Variants in SYNCRIP observed in about 807,000 individuals in gnomAD.
SYNCRIP encodes heterogeneous nuclear ribonucleoprotein Q.
SYNCRIP carries 9 observed loss-of-function variants against 68.9 expected under a neutral mutation model. The observed-to-expected ratio is 0.13, with a 90% CI of 0.08 to 0.23. SYNCRIP has a LOEUF of 0.23. SYNCRIP is among the 10% of genes least tolerant of loss of function. The pLI, the probability that SYNCRIP is intolerant of heterozygous loss-of-function variation, is 1.00. For missense variants in SYNCRIP, 414 were observed against 770.6 expected, an observed-to-expected ratio of 0.54 and a Z score of 5.48; for synonymous variants, 258 against 254.0, an observed-to-expected ratio of 1.02 and a Z score of -0.15.
chr6:85,618,999 A>C, intron 9 of SYNCRIP, 60 bp from the exon 10 acceptor site: 1 of 1,513,484 alleles, frequency 6.6e-7, no homozygotes, highest in Admixed American at 1.9e-5. Flanking sequence ...TGATTCATTT[A>C]AAGTTGGAAT....
chr6:85,628,109 A>G (rs1474823333), intron 6 of SYNCRIP, among the ~76,000 whole-genome samples: 1 of 152,020 alleles, frequency 6.6e-6, no homozygotes, highest in Non-Finnish European at 1.5e-5. Flanking sequence ...AGGATGGAGT[A>G]CAGTGACGCG....
downstream of SYNCRIP, chr6:85,609,689 C>A (rs1211434176): frequency 1.3e-5 from 2 of 151,868 alleles, no homozygotes; most frequent in African/African-American, 4.8e-5. Flanking sequence ...AAACTGATAA[C>A]CTAAATTTAT....
At chr6:85,624,356 C>G (rs1411175225) in intron 6 of SYNCRIP, among the ~76,000 whole-genome samples, 1 of 152,180 alleles carries the variant, frequency 6.6e-6, no homozygotes, top group African/African-American at 2.4e-5. Flanking sequence ...TCTGCAGCAG[C>G]TTAAATTCAA....
At chr6:85,634,011 C>A (rs1302331294) in intron 6 of SYNCRIP, among the ~76,000 whole-genome samples, 1 of 152,146 alleles carries the variant, frequency 6.6e-6, no homozygotes, top group Non-Finnish European at 1.5e-5. Flanking sequence ...GGATTCAAAT[C>A]ACAACAGAGA....
intron 10 of SYNCRIP, among the ~76,000 whole-genome samples, chr6:85,617,622 T>C (rs1283594369): frequency 6.6e-6 from 1 of 152,256 alleles, no homozygotes; most frequent in Non-Finnish European, 1.5e-5. Flanking sequence ...TACATAATTT[T>C]GTCTGATCCC....
chr6:85,642,306 G>C (rs1425525477), intron 1 of SYNCRIP, among the ~76,000 whole-genome samples: 2 of 152,108 alleles, frequency 1.3e-5, no homozygotes, highest in African/African-American at 4.8e-5. Flanking sequence ...CGGCCGAGAC[G>C]TGACCCGTGG....
At chr6:85,621,123 T>C (rs944701121) in intron 8 of SYNCRIP, among the ~76,000 whole-genome samples, 1 of 152,244 alleles carries the variant, frequency 6.6e-6, no homozygotes, top group African/African-American at 2.4e-5. Context: ...ACCATCTGAA[T>C]GTGTTAATCT....
At chr6:85,634,624 C>A (rs751317657) in intron 6 of SYNCRIP, among the ~76,000 whole-genome samples, 3 of 151,848 alleles carry the variant, frequency 2.0e-5, no homozygotes, top group Admixed American at 2.0e-4. Context: ...CTTCAATCCT[C>A]AGCTAGCTGA....
At chr6:85,641,558 C>T in intron 1 of SYNCRIP, 107 bp from the exon 2 acceptor site, 6 of 1,107,136 alleles carry the variant, frequency 5.4e-6, no homozygotes, top group Non-Finnish European at 6.3e-6. Flanking sequence ...ACCAGCTAGC[C>T]TATACCTCCC....
chr6:85,632,975 G>A (rs754423817), intron 6 of SYNCRIP, among the ~76,000 whole-genome samples: 6 of 150,264 alleles, frequency 4.0e-5, no homozygotes, highest in South Asian at 4.3e-4. Context: ...ACTTAAGGCC[G>A]GGCGCGGTGG....
chr6:85,626,788 C>T (rs1807086360), intron 6 of SYNCRIP, among the ~76,000 whole-genome samples: 1 of 152,220 alleles, frequency 6.6e-6, no homozygotes, highest in Non-Finnish European at 1.5e-5. Context: ...TTATTATCTA[C>T]AGAAACACCA....
chr6:85,610,173 CAGTT>C (rs1429555137), downstream of SYNCRIP: 10 of 151,008 alleles, frequency 6.6e-5, no homozygotes, highest in Admixed American at 1.3e-4. Flanking sequence ...GAAAATACCA[CAGTT>C]AGTATTTCTT....
intron 6 of SYNCRIP, among the ~76,000 whole-genome samples, chr6:85,633,915 C>T (rs1001259817): frequency 2.0e-5 from 3 of 152,132 alleles, no homozygotes; most frequent in African/African-American, 7.2e-5. Context: ...AGCAACCACA[C>T]CCTGCCAAAA....
downstream of SYNCRIP, chr6:85,612,988 A>T: frequency 6.6e-7 from 1 of 1,505,344 alleles, no homozygotes; most frequent in African/African-American, 1.4e-5. Context: ...GTACATACAT[A>T]ATGATAACAT....
intron 4 of SYNCRIP, among the ~76,000 whole-genome samples, chr6:85,639,170 T>C (rs1159533949): frequency 2.6e-5 from 4 of 152,140 alleles, no homozygotes; most frequent in Admixed American, 2.6e-4. Context: ...ATCACGCCAC[T>C]GCACTCCAGC....
At chr6:85,636,839 G>T in intron 6 of SYNCRIP, 128 bp downstream of exon 6, 2 of 829,470 alleles carry the variant, frequency 2.4e-6, no homozygotes, top group South Asian at 4.4e-5. Context: ...CAGTGATGTG[G>T]GAAAAAAAAA....
intron 4 of SYNCRIP, among the ~76,000 whole-genome samples, chr6:85,639,191 G>A (rs1409843241): frequency 6.6e-6 from 1 of 152,160 alleles, no homozygotes; most frequent in East Asian, 1.9e-4. Flanking sequence ...CTGGGTGACA[G>A]AGTAAGACTC....
chr6:85,637,480 G>C (rs1218691164), intron 4 of SYNCRIP, 124 bp from the exon 5 acceptor site: 2 of 606,346 alleles, frequency 3.3e-6, no homozygotes, highest in Non-Finnish European at 5.7e-6. Context: ...ATAAAAACAG[G>C]TTTGTGATGT....
chr6:85,623,864 G>A (rs1230383584), intron 7 of SYNCRIP, 113 bp downstream of exon 7: 1 of 1,297,968 alleles, frequency 7.7e-7, no homozygotes, highest in Admixed American at 2.4e-5. Context: ...AAAAGTTGTA[G>A]TGAGGATTCG....
Sources: gnomAD v4.1 joint callset for allele counts (sites outside exome capture counted in the v4.1 genomes callset) on GRCh38, gnomAD v4.1.1 for gene constraint, MANE v1.5 for transcripts, NCBI Gene and HGNC (gene_info 2026-07-23, HGNC 2026-07-21) for gene names.